The following WRAP73 variants were observed in gnomAD, a reference collection of about 807,000 sequenced individuals.
WRAP73 encodes the protein WD repeat containing, antisense to TP73, also known as WD repeat-containing protein WRAP73.
WRAP73 carries 55 observed loss-of-function variants against 59.6 expected under a neutral mutation model. The observed-to-expected ratio is 0.92, with a 90% CI of 0.74 to 1.15. The LOEUF (loss-of-function observed/expected upper bound fraction) is 1.15, where lower values mean the gene tolerates loss of function less well. WRAP73 is among the 50% of genes most tolerant of loss of function. The pLI is 0.00. For missense variants in WRAP73, 592 were observed against 608.1 expected (o/e 0.97, Z 0.28); for synonymous variants, 265 against 258.2 (o/e 1.03, Z -0.25).
At chr1:3,636,326 G>A (rs1426936216) in intron 5 of WRAP73, 3 of 410,370 alleles carry the variant, frequency 7.3e-6, no homozygotes, top group Non-Finnish European at 1.3e-5. Flanking sequence ...GCCCCCGAGG[G>A]CGGCTTGGTC....
intron 10 of WRAP73, 117 bp from the exon 11 acceptor site, chr1:3,631,774 G>A: frequency 6.8e-7 from 1 of 1,460,666 alleles, no homozygotes; most frequent in Non-Finnish European, 9.0e-7. Flanking sequence ...CGGTGGGGTG[G>A]GGCGGCTGCA....
chr1:3,635,348 C>T (rs1427736034), intron 6 of WRAP73, 54 bp from the exon 7 acceptor site: 2 of 1,606,234 alleles, frequency 1.2e-6, no homozygotes, highest in Non-Finnish European at 1.7e-6. Flanking sequence ...GCCAGGAACA[C>T]ACCACAGACG....
Position 3,639,875 on chromosome 1 carries a change from C to A in WRAP73, c.340-1053G>T, listed in dbSNP as rs900170344. Among the ~76,000 whole-genome samples, 2 of 152,050 alleles carry A rather than the reference C, an allele frequency of 1.3e-5. No individual in the cohort carries two copies. The highest frequency in any genetic ancestry group is 2.9e-5 in the Non-Finnish European group (2 of 67,988). On this transcript the variant is annotated intron_variant, in intron 3 of 11. Transcript: ENST00000270708. This position sits in a 1 kb window ranked among gnomAD's most constrained non-coding sequence, Gnocchi z 4.3. ...GCAGGGGTCCTCGCTGAGGATGAGGCCCGGGGTGGGGGACCGTCTCCAGCA... is the reference window on the plus strand; with the variant it reads ...GCAGGGGTCCTCGCTGAGGATGAGGACCGGGGTGGGGGACCGTCTCCAGCA...
rs1173041107 is a variant in WRAP73, at chr1:3,639,694, G to A, written c.340-872C>T. ...CCGAGGTGCGGGGACACAAGGTGCG[G>A]GGTGGGGTGCTGACTGCCAGCTCCG... On this transcript the variant is annotated intron_variant, in intron 3 of 11. Coordinates refer to ENST00000270708, the MANE Select transcript of WRAP73 (RefSeq NM_017818.4). This position sits in a 1 kb window ranked among gnomAD's most constrained non-coding sequence, Gnocchi z 4.3. 6.6e-6 allele frequency: 1 copy of A among 152,136 alleles called. No homozygotes were observed. Among genetic ancestry groups the A allele is most frequent in the Non-Finnish European group, 1.5e-5 (1 of 68,064 alleles). 9.4% of individuals were successfully genotyped at this position (152,136 alleles called of 1,614,324 possible).
Position 3,649,948 on chromosome 1 carries a change from G to A in WRAP73, c.52C>T (p.Pro18Ser). The A allele has an allele frequency of 6.2e-7, 1 of 1,603,644 alleles. No individual in the cohort carries two copies. The highest frequency in any genetic ancestry group is 8.5e-7 in the Non-Finnish European group (1 of 1,176,290). ...CCGCTCACCAGGTACTTGCCGTCCG[G>A]GGAGAACTTGCAGAGTAAGCTGGAG... The part of the protein sequence containing the change: ...KLSSLLCKFS[P>S]DGKYLASCVQ... Residue 18 changes from proline to serine, a missense_variant, in exon 1 of 12, where the codon CCG (proline) becomes TCG (serine). Physicochemically the swap from Pro to Ser is moderately conservative, Grantham distance 74. Transcript: ENST00000270708.
rs1644645971 is a variant in WRAP73 at position 3,641,544 on chromosome 1, AG to A, written c.340-2723del. Among the ~76,000 whole-genome samples, 3 of 152,240 alleles carry A rather than the reference AG, an allele frequency of 2.0e-5. No individual in the cohort carries two copies. In the South Asian group the frequency reaches 6.2e-4, roughly 32 times the overall value. On this transcript the variant is annotated intron_variant, in intron 3 of 11. Transcript: ENST00000270708. ...GCTCTGTGCAGATGGGATTCCGAGTAGGCAGTGCTGCTCGCCCCGCAGCAGG... is the reference window on the plus strand; with the variant it reads ...GCTCTGTGCAGATGGGATTCCGAGTAGCAGTGCTGCTCGCCCCGCAGCAGG...
intron 9 of WRAP73, 76 bp from the exon 10 acceptor site, chr1:3,632,414 C>A: frequency 6.2e-7 from 1 of 1,608,294 alleles, no homozygotes; most frequent in Non-Finnish European, 8.5e-7. Context: ...GCTGCTGTGC[C>A]TGCATCGGGC....
intron 8 of WRAP73, chr1:3,634,694 G>T (rs1030084857): frequency 1.3e-5 from 5 of 395,734 alleles, no homozygotes; most frequent in Non-Finnish European, 2.4e-5. Context: ...GGAGACCCTG[G>T]CCACTCTGTA....
intron 8 of WRAP73, chr1:3,634,747 C>G (rs1437458939): frequency 1.9e-6 from 1 of 527,348 alleles, no homozygotes; most frequent in African/African-American, 1.9e-5. Context: ...AAGGAGAAAA[C>G]TGGACTGGGG....
chr1:3,634,416 G>A (rs1006093611), intron 8 of WRAP73: 22 of 165,008 alleles, frequency 1.3e-4, no homozygotes, highest in South Asian at 1.5e-4. Flanking sequence ...ACATGGATGC[G>A]TGGCCCACTC....
At chr1:3,638,645 T>C in intron 4 of WRAP73, 105 bp downstream of exon 4, 1 of 1,252,122 alleles carries the variant, frequency 8.0e-7, no homozygotes, top group Non-Finnish European at 1.2e-6. Context: ...GTTGGCTATG[T>C]GTTGATATGC....
At chr1:3,635,750 G>A (rs1644583617) in intron 6 of WRAP73, 194 bp downstream of exon 6, 1 of 568,384 alleles carries the variant, frequency 1.8e-6, no homozygotes, top group Non-Finnish European at 3.1e-6. Flanking sequence ...GAGTCCAGGA[G>A]GTCGAGGCTG....
chr1:3,644,515 C>G lies in WRAP73; in HGVS notation c.339+2151G>C, dbSNP rs368611301. Among the ~76,000 whole-genome samples, 6 of 152,360 alleles carry G rather than the reference C, an allele frequency of 3.9e-5. No individual in the cohort carries two copies. The East Asian group carries it at 1.2e-3, about 29-fold the overall frequency. The stretch of plus-strand genomic sequence containing the variant: ...GCAGCTCACTTCCTGGCCAGCACGT[C>G]TGGAATTCCGGTTTTGTTTCCTCAC... On this transcript the variant is annotated intron_variant, in intron 3 of 11. Coordinates refer to ENST00000270708, the MANE Select transcript of WRAP73 (RefSeq NM_017818.4).
At position 3,635,117 on chromosome 1, in the gene WRAP73, G is replaced by A. The variant is rs533043758; in HGVS notation, c.738+43C>T. The A allele has an allele frequency of 1.1e-5, 18 of 1,614,110 alleles. No homozygotes were observed. In the East Asian group the frequency reaches 1.3e-4, roughly 12 times the overall value. ...GCACAGGTGAGGCAGGGCCCGGCCC[G>A]CTGGGCGGTCGGACTTCCTGAGTGC... is the stretch of plus-strand genomic sequence containing the variant. On this transcript the variant is annotated intron_variant, in intron 7 of 11. Transcript: ENST00000270708.
intron 1 of WRAP73, among the ~76,000 whole-genome samples, chr1:3,648,036 T>A (rs970460066): frequency 2.6e-5 from 4 of 152,256 alleles, no homozygotes; most frequent in African/African-American, 9.6e-5. Flanking sequence ...AATCTTCTTA[T>A]GCAGTGCCGA....
chr1:3,631,283 G>T, intron 11 of WRAP73, 166 bp from the exon 12 acceptor site: 1 of 1,337,836 alleles, frequency 7.5e-7, no homozygotes, highest in Non-Finnish European at 1.0e-6. Context: ...GCTGCTTCTA[G>T]CCCATAAAGC....
At chr1:3,645,091 G>A (rs569675917) in intron 3 of WRAP73, among the ~76,000 whole-genome samples, 75 of 152,346 alleles carry the variant, frequency 4.9e-4, no homozygotes, top group African/African-American at 1.7e-3. Context: ...CATAATAGCA[G>A]ACATTAGATT....
intron 3 of WRAP73, among the ~76,000 whole-genome samples, chr1:3,640,995 C>A (rs1435219251): frequency 1.3e-5 from 2 of 152,188 alleles, no homozygotes; most frequent in Non-Finnish European, 2.9e-5. Flanking sequence ...CTCACAAAAA[C>A]AAAGAAACAA....
At chr1:3,644,349 TCGCGCC>T in intron 3 of WRAP73, among the ~76,000 whole-genome samples, 1 of 124,858 alleles carries the variant, frequency 8.0e-6, no homozygotes, top group South Asian at 2.6e-4. Context: ...GGACATGGGG[TCGCGCC>T]TTCGGAAGGG....
Sources: allele counts gnomAD v4.1 joint callset (sites outside exome capture counted in the v4.1 genomes callset), GRCh38; gene constraint gnomAD v4.1.1; non-coding constraint Gnocchi (gnomAD v3.1); transcripts MANE v1.5; gene names NCBI Gene and HGNC (gene_info 2026-07-23, HGNC 2026-07-21).